DNASE1: variants seen among roughly 807,000 people sequenced by gnomAD.
The protein encoded by DNASE1 is deoxyribonuclease-1.
DNASE1 carries 40 observed loss-of-function variants against 33.9 expected under a neutral mutation model. The ratio of observed to expected loss-of-function variants is 1.18; its 90% CI spans 0.92 to 1.54. The LOEUF is 1.54. Ranked by LOEUF, DNASE1 falls within the 40% of genes most tolerant of loss-of-function variation. The pLI, the probability that DNASE1 is intolerant of heterozygous loss-of-function variation, is 0.00. For missense variants in DNASE1, 518 were observed against 372.6 expected, an observed-to-expected ratio of 1.39 and a Z score of -3.21; for synonymous variants, 216 against 160.0, an observed-to-expected ratio of 1.35 and a Z score of -2.64.
intron 1 of DNASE1, among the ~76,000 whole-genome samples, chr16:3,616,565 G>A (rs2041111035): frequency 6.6e-6 from 1 of 152,188 alleles, no homozygotes; most frequent in Non-Finnish European, 1.5e-5. Flanking sequence ...AGGTTGCAGT[G>A]ATCCAAGATC....
At chr16:3,617,281 G>A (rs960129927) in intron 1 of DNASE1, among the ~76,000 whole-genome samples, 4 of 126,786 alleles carry the variant, frequency 3.2e-5, no homozygotes, top group East Asian at 2.5e-4. Context: ...AGCCGAGATC[G>A]CACCACTACG....
At chr16:3,618,697 C>G (rs1025573799) in intron 1 of DNASE1, among the ~76,000 whole-genome samples, 1 of 152,116 alleles carries the variant, frequency 6.6e-6, no homozygotes, top group Non-Finnish European at 1.5e-5. Flanking sequence ...CCATTGCACT[C>G]CAGCCTGGGC....
intron 1 of DNASE1, among the ~76,000 whole-genome samples, chr16:3,645,041 G>A (rs2057886830): frequency 6.6e-6 from 1 of 151,286 alleles, no homozygotes; most frequent in South Asian, 2.1e-4. Flanking sequence ...GGTTGAGGCA[G>A]GAAGATCACT....
chr16:3,658,967 A>ACTGT (rs576945253), downstream of DNASE1: 580 of 1,191,622 alleles, frequency 4.9e-4, 1 homozygote, highest in Non-Finnish European at 6.5e-4. Flanking sequence ...GCACAGTAAG[A>ACTGT]CTGTCTGTAG....
intron 1 of DNASE1, among the ~76,000 whole-genome samples, chr16:3,646,622 G>A (rs2042179564): frequency 1.3e-5 from 2 of 152,168 alleles, no homozygotes; most frequent in Non-Finnish European, 2.9e-5. Flanking sequence ...CGTAGGTCAT[G>A]GAAAGCATTG....
chr16:3,647,367 A>G (rs144479913), intron 1 of DNASE1, among the ~76,000 whole-genome samples: 163 of 148,862 alleles, frequency 1.1e-3, no homozygotes, highest in Non-Finnish European at 1.7e-3. Context: ...TTTACCTTCC[A>G]GGCTCACACA....
chr16:3,644,699 C>T (rs1307729319), intron 1 of DNASE1, among the ~76,000 whole-genome samples: 2 of 150,712 alleles, frequency 1.3e-5, no homozygotes, highest in African/African-American at 4.9e-5. Flanking sequence ...TGTGCCACTG[C>T]ACTCCAGCCT....
chr16:3,649,085 AG>A (rs2042255475), intron 1 of DNASE1, among the ~76,000 whole-genome samples: 1 of 152,180 alleles, frequency 6.6e-6, no homozygotes, highest in South Asian at 2.1e-4. Context: ...AGGTTTGATC[AG>A]ATTCAAGATT....
At chr16:3,639,816 CT>C (rs542984192), upstream of DNASE1, among the ~76,000 whole-genome samples, 105 of 152,286 alleles carry the variant, frequency 6.9e-4, no homozygotes, top group Non-Finnish European at 1.2e-3. Flanking sequence ...AATCCCAGCA[CT>C]TTGGGAGGCT....
Position 3,655,921 on chromosome 16 carries a change from C to T in DNASE1, c.220C>T (p.Leu74=). ...DSHLTAVGKL[L]DNLNQDAPDT... is the part of the protein sequence containing the mutation. The stretch of plus-strand genomic sequence containing the variant: ...CCACCTGACTGCCGTGGGGAAGCTG[C>T]TGGACAACCTCAATCAGTGGGTGAC... Residue 74 remains leucine (L), a synonymous_variant, in exon 3 of 9, where the codon CTG becomes TTG. Coordinates refer to ENST00000246949, the MANE Select transcript of DNASE1 (RefSeq NM_005223.4). 6.2e-7 allele frequency: 1 copy of T among 1,614,100 alleles called. No individual in the cohort carries two copies. The highest frequency in any genetic ancestry group is 1.1e-5 in the South Asian group (1 of 91,090).
chr16:3,663,460 G>A (rs2151241776), exon 10 of DNASE1: 1 of 1,614,180 alleles, frequency 6.2e-7, no homozygotes, highest in Non-Finnish European at 8.5e-7. Context: ...TCCTTGTAGT[G>A]ATCCACGACT....
chr16:3,646,425 T>C (rs985401615), intron 1 of DNASE1, among the ~76,000 whole-genome samples: 1 of 151,932 alleles, frequency 6.6e-6, no homozygotes, highest in Non-Finnish European at 1.5e-5. Context: ...GGTAAACAGG[T>C]GCCTGAGTAA....
At chr16:3,619,622 A>G (rs975655290) in intron 1 of DNASE1, among the ~76,000 whole-genome samples, 1 of 151,910 alleles carries the variant, frequency 6.6e-6, no homozygotes, top group Non-Finnish European at 1.5e-5. Context: ...CGGCCTCCCA[A>G]AGTGCTGGGA....
upstream of DNASE1, among the ~76,000 whole-genome samples, chr16:3,640,435 C>G (rs943784687): frequency 3.3e-5 from 5 of 152,328 alleles, no homozygotes; most frequent in African/African-American, 1.2e-4. Flanking sequence ...GCGCTGCAGC[C>G]TGGAACCCGC....
chr16:3,636,505 C>T (rs1014870137), intron 1 of DNASE1, among the ~76,000 whole-genome samples: 1 of 152,100 alleles, frequency 6.6e-6, no homozygotes, highest in African/African-American at 2.4e-5. Flanking sequence ...TTGTTGAAAA[C>T]CGGACTTGAT....
chr16:3,640,833 C>T (rs947134688), upstream of DNASE1: 3 of 398,516 alleles, frequency 7.5e-6, no homozygotes, highest in African/African-American at 4.1e-5. Context: ...GGCTGTCACT[C>T]CTGGGCCCAG....
chr16:3,632,743 G>A (rs2041738632), intron 1 of DNASE1, among the ~76,000 whole-genome samples: 1 of 151,974 alleles, frequency 6.6e-6, no homozygotes, highest in Non-Finnish European at 1.5e-5. Flanking sequence ...CTGCCACCAT[G>A]CCTGGGTAAT....
At chr16:3,614,555 C>G (rs184648146) in intron 1 of DNASE1, among the ~76,000 whole-genome samples, 1 of 152,068 alleles carries the variant, frequency 6.6e-6, no homozygotes, top group African/African-American at 2.4e-5. Flanking sequence ...AATTCCATCA[C>G]GCTTTGCCTT....
At chr16:3,616,349 G>A (rs1033027044) in intron 1 of DNASE1, among the ~76,000 whole-genome samples, 14 of 152,224 alleles carry the variant, frequency 9.2e-5, no homozygotes, top group Non-Finnish European at 8.8e-5. Flanking sequence ...GGCCGGGTGC[G>A]GTGGCTCACG....
Sources: allele counts gnomAD v4.1 joint callset (sites outside exome capture counted in the v4.1 genomes callset), GRCh38; gene constraint gnomAD v4.1.1; transcripts MANE v1.5; gene names NCBI Gene and HGNC (gene_info 2026-07-23, HGNC 2026-07-21).